Variants in TAOK3 observed in about 807,000 individuals in gnomAD.
The protein encoded by TAOK3 is TAO kinase 3.
A neutral mutation model predicts 120.4 loss-of-function variants in TAOK3; 40 were observed. That is an observed-to-expected ratio of 0.33 (90% CI 0.26 to 0.43). TAOK3 has a LOEUF of 0.43. Among genes scored for constraint, TAOK3 ranks in the 20% least tolerant of loss-of-function variants. The pLI is 1.00. For missense variants in TAOK3, 821 were observed against 1,112.1 expected (o/e 0.74, Z 3.72); for synonymous variants, 355 against 387.5 (o/e 0.92, Z 0.99).
chr12:118,195,128 GA>G lies in TAOK3; in HGVS notation c.1194+3922del, dbSNP rs375979505. On this transcript the variant is annotated intron_variant, in intron 13 of 20. Coordinates refer to ENST00000392533, the MANE Select transcript of TAOK3 (RefSeq NM_016281.4). ...TGAAGTGTTGTCCCATTAAAAAAAA[GA>G]AAAAAATGTTCTCTAAATAATCCCT... 4.6e-4 allele frequency among the ~76,000 whole-genome samples: 70 copies of G among 151,820 alleles called. No individual in the cohort carries two copies. In the East Asian group the frequency reaches 9.5e-3, roughly 21 times the overall value.
intron 1 of TAOK3, among the ~76,000 whole-genome samples, chr12:118,278,818 A>AT (rs1337871089): frequency 6.6e-6 from 1 of 151,636 alleles, no homozygotes; most frequent in Admixed American, 6.6e-5. Flanking sequence ...TTTTATTTTT[A>AT]TTTTTTGAGA....
chr12:118,318,449 C>T (rs111578611), intron 1 of TAOK3, among the ~76,000 whole-genome samples: 31 of 152,248 alleles, frequency 2.0e-4, no homozygotes, highest in African/African-American at 7.0e-4. Context: ...AGCCGCTGCG[C>T]CTGGCCACAA....
intron 14 of TAOK3, 49 bp downstream of exon 14, chr12:118,189,758 T>C: frequency 2.5e-6 from 4 of 1,607,614 alleles, no homozygotes; most frequent in Non-Finnish European, 3.4e-6. Flanking sequence ...GGCTGCCAGA[T>C]GGGGAGGAGG....
chr12:118,315,445 A>AC (rs374632646), intron 1 of TAOK3, among the ~76,000 whole-genome samples: 30,631 of 152,054 alleles, frequency 0.2, 3,274 homozygotes, highest in African/African-American at 0.28. Flanking sequence ...CAAATGTTAA[A>AC]ACCCACAAAA....
rs1256422455 is a variant in TAOK3 at position 118,172,514 on chromosome 12, G to T, written c.1842C>A (p.Phe614Leu). 6.2e-7 allele frequency: 1 copy of T among 1,614,168 alleles called. No homozygotes were observed. The highest frequency in any genetic ancestry group is 8.5e-7 in the Non-Finnish European group (1 of 1,180,028). ...QRLYYDKNCRFFKRKIMIKRH... is the reference protein window; with the variant it reads ...QRLYYDKNCRLFKRKIMIKRH... The stretch of plus-strand genomic sequence containing the variant: ...GCTTGATCATTATTTTCCGCTTGAA[G>T]AAACGACAATTTTTGTCGTAGTACA... Residue 614 changes from phenylalanine to leucine, a missense_variant, in exon 17 of 21, where the codon TTC (phenylalanine) becomes TTA (leucine). Phe to Leu is a conservative substitution (Grantham distance 22, BLOSUM62 0). Coordinates refer to ENST00000392533, the MANE Select transcript of TAOK3 (RefSeq NM_016281.4).
intron 1 of TAOK3, among the ~76,000 whole-genome samples, chr12:118,284,029 T>C (rs1441725378): frequency 1.3e-5 from 2 of 152,128 alleles, no homozygotes; most frequent in Non-Finnish European, 2.9e-5. Flanking sequence ...TGGAGTAACA[T>C]ACAGGCCGGA....
At chr12:118,240,961 C>T (rs2040225582) in intron 5 of TAOK3, among the ~76,000 whole-genome samples, 1 of 149,234 alleles carries the variant, frequency 6.7e-6, no homozygotes, top group Admixed American at 6.7e-5. Flanking sequence ...AACTATTATA[C>T]TTTTATAGTT....
chr12:118,177,408 A>T (rs758634218), intron 15 of TAOK3, 79 bp from the exon 16 acceptor site: 21 of 1,262,264 alleles, frequency 1.7e-5, no homozygotes, highest in Non-Finnish European at 2.3e-5. Context: ...CCAGTGCAGT[A>T]AGACAGTCCA....
intron 9 of TAOK3, among the ~76,000 whole-genome samples, chr12:118,226,591 A>G (rs1344163848): frequency 6.6e-6 from 1 of 152,178 alleles, no homozygotes; most frequent in Non-Finnish European, 1.5e-5. Context: ...TCAGACAACT[A>G]CAAAATGGCA....
chr12:118,342,117 T>C (rs2044643708), intron 1 of TAOK3, among the ~76,000 whole-genome samples: 1 of 152,210 alleles, frequency 6.6e-6, no homozygotes, highest in African/African-American at 2.4e-5. Context: ...AAATACTTTC[T>C]CCTTCATTTG....
intron 2 of TAOK3, among the ~76,000 whole-genome samples, chr12:118,264,729 A>G (rs1566034090): frequency 6.6e-6 from 1 of 152,228 alleles, no homozygotes. Context: ...ATTGTTGTAG[A>G]AAGATGTACC....
chr12:118,177,463 A>T, intron 15 of TAOK3, 134 bp from the exon 16 acceptor site: 4 of 588,758 alleles, frequency 6.8e-6, no homozygotes, highest in Non-Finnish European at 8.0e-6. Context: ...TTAAAAAATA[A>T]TTGTTTTTCT....
At chr12:118,204,982 C>G (rs570880198) in intron 11 of TAOK3, among the ~76,000 whole-genome samples, 1 of 151,976 alleles carries the variant, frequency 6.6e-6, no homozygotes, top group Non-Finnish European at 1.5e-5. Context: ...CCAGCTTGGC[C>G]AACATGATGA....
At chr12:118,341,660 ACTTC>A (rs2044625419) in intron 1 of TAOK3, among the ~76,000 whole-genome samples, 1 of 152,136 alleles carries the variant, frequency 6.6e-6, no homozygotes, top group Non-Finnish European at 1.5e-5. Context: ...TTATCAAAAC[ACTTC>A]CTTCATTCAC....
chr12:118,253,493 T>C (rs1220755321), intron 3 of TAOK3, among the ~76,000 whole-genome samples: 1 of 152,112 alleles, frequency 6.6e-6, no homozygotes, highest in Non-Finnish European at 1.5e-5. Flanking sequence ...TCCCAGCACT[T>C]TGGGGAGGCC....
chr12:118,175,254 C>A (rs1361462805), intron 16 of TAOK3, among the ~76,000 whole-genome samples: 1 of 152,156 alleles, frequency 6.6e-6, no homozygotes, highest in Non-Finnish European at 1.5e-5. Context: ...CCACCCCAAC[C>A]CCCTTGGTTT....
rs1319837805 is a variant in TAOK3, at chr12:118,371,382, CA to C, written c.-194+1265del. On this transcript the variant is annotated intron_variant, in intron 1 of 20. Coordinates refer to ENST00000392533, the MANE Select transcript of TAOK3 (RefSeq NM_016281.4). The surrounding 1 kb of genome is among the most constrained non-coding windows in gnomAD (Gnocchi z 5.5). Reference sequence around the variant, plus strand: ...AGACTCTAAGGAACGAATGCGAAGCCAGCGGGCCAGTGAGAAGAGGTCAGGC... The same window carrying C: ...AGACTCTAAGGAACGAATGCGAAGCCGCGGGCCAGTGAGAAGAGGTCAGGC... Among the ~76,000 whole-genome samples, 1 of 152,168 alleles carries C rather than the reference CA, an allele frequency of 6.6e-6. No homozygotes were observed. The highest frequency in any genetic ancestry group is 2.4e-5 in the African/African-American group (1 of 41,436).
At chr12:118,190,716 G>C (rs1361619303) in intron 13 of TAOK3, among the ~76,000 whole-genome samples, 1 of 152,186 alleles carries the variant, frequency 6.6e-6, no homozygotes, top group Non-Finnish European at 1.5e-5. Flanking sequence ...CATGCTTCTT[G>C]ATAGGCAAAG....
chr12:118,336,461 T>C (rs1280758508), intron 1 of TAOK3, among the ~76,000 whole-genome samples: 4 of 151,928 alleles, frequency 2.6e-5, no homozygotes, highest in Non-Finnish European at 5.9e-5. Flanking sequence ...CAAAATCAAT[T>C]ACAGATTTAA....
Sources: allele counts gnomAD v4.1 joint callset (sites outside exome capture counted in the v4.1 genomes callset), GRCh38; gene constraint gnomAD v4.1.1; non-coding constraint Gnocchi (gnomAD v3.1); transcripts MANE v1.5; gene names NCBI Gene and HGNC (gene_info 2026-07-23, HGNC 2026-07-21).